Variants in KDM3B observed in about 807,000 individuals in gnomAD.
KDM3B encodes the protein lysine demethylase 3B.
A neutral mutation model predicts 170.0 loss-of-function variants in KDM3B; 10 were observed. That is an observed-to-expected ratio of 0.06 (90% CI 0.04 to 0.10). KDM3B has a LOEUF of 0.10. Ranked by LOEUF, KDM3B falls within the 10% of genes least tolerant of loss-of-function variation. The probability of loss-of-function intolerance (pLI) is 1.00; values close to 1 mark genes in which losing one functional copy is unlikely to be tolerated. For synonymous variants in KDM3B, 831 were observed against 834.8 expected (o/e 1.00, Z 0.08); for missense variants, 1,394 against 2,195.2 (o/e 0.64, Z 7.29).
intron 1 of KDM3B, among the ~76,000 whole-genome samples, chr5:138,353,994 G>A (rs1761393131): frequency 6.6e-6 from 1 of 152,140 alleles, no homozygotes. Context: ...CTTTTGGAAT[G>A]TAATAGATCA....
chr5:138,368,886 C>T (rs897207538), intron 1 of KDM3B, among the ~76,000 whole-genome samples: 8 of 151,954 alleles, frequency 5.3e-5, no homozygotes, highest in African/African-American at 1.9e-4. Flanking sequence ...TTTAGGTATG[C>T]GATAATAGTA....
chr5:138,353,263 C>T (rs1226407903), intron 1 of KDM3B, among the ~76,000 whole-genome samples: 1 of 152,254 alleles, frequency 6.6e-6, no homozygotes, highest in Non-Finnish European at 1.5e-5. Flanking sequence ...CGACCCTTTT[C>T]TCGGCGTTCC....
At chr5:138,416,931 G>T (rs571192367) in intron 12 of KDM3B, among the ~76,000 whole-genome samples, 1 of 152,000 alleles carries the variant, frequency 6.6e-6, no homozygotes, top group African/African-American at 2.4e-5. Flanking sequence ...AGCGATTCTC[G>T]TGCCTCAGCC....
At chr5:138,409,328 A>G (rs1762903229) in intron 11 of KDM3B, among the ~76,000 whole-genome samples, 1 of 152,242 alleles carries the variant, frequency 6.6e-6, no homozygotes, top group African/African-American at 2.4e-5. Context: ...TAATATTATA[A>G]TGAGTTTTTT....
chr5:138,403,830 CAAA>C (rs370451547), intron 11 of KDM3B, among the ~76,000 whole-genome samples: 2 of 125,036 alleles, frequency 1.6e-5, no homozygotes, highest in Non-Finnish European at 1.7e-5. Context: ...CCATCTCAAC[CAAA>C]AAAAAAAAAA....
intron 20 of KDM3B, 63 bp from the exon 21 acceptor site, chr5:138,429,763 T>A (rs2127006032): frequency 1.9e-6 from 3 of 1,552,706 alleles, no homozygotes; most frequent in South Asian, 1.1e-5. Flanking sequence ...ATTGGACATT[T>A]CATTTCACTC....
intron 3 of KDM3B, 53 bp downstream of exon 3, chr5:138,375,259 TC>T: frequency 8.8e-7 from 1 of 1,137,502 alleles, no homozygotes; most frequent in Non-Finnish European, 1.3e-6. Context: ...GCTGCTAATT[TC>T]TTTGTTGATA....
In KDM3B at chr5:138,386,542, T is replaced by C. The variant is rs201469450; in HGVS notation, c.1301T>C (p.Val434Ala). 310 of 1,614,038 alleles carry C rather than the reference T, an allele frequency of 1.9e-4. No homozygotes were observed. The highest frequency in any genetic ancestry group is 2.8e-4 in the Admixed American group (17 of 60,000). ...ACCGCCAGCTCCACCCCAAACACAG[T>C]GAGGATCTCAGACACTGGCCTTGCA... ...VTTASSTPNT[V>A]RISDTGLAAG... Residue 434 changes from valine (V) to alanine (A), a missense_variant, in exon 7 of 24, where the codon GTG (valine) becomes GCG (alanine). Physicochemically the swap from Val to Ala is moderately conservative, Grantham distance 64. Coordinates refer to ENST00000314358, the MANE Select transcript of KDM3B (RefSeq NM_016604.4).
intron 10 of KDM3B, among the ~76,000 whole-genome samples, chr5:138,399,321 C>T (rs1333156915): frequency 1.2e-4 from 18 of 151,610 alleles, no homozygotes; most frequent in African/African-American, 3.9e-4. Context: ...AGGCAGATCA[C>T]GAGGTCAGGA....
intron 2 of KDM3B, 129 bp downstream of exon 2, chr5:138,372,970 C>A (rs1457099889): frequency 4.0e-6 from 3 of 757,012 alleles, no homozygotes; most frequent in Non-Finnish European, 5.7e-6. Context: ...TCTGAAGTTA[C>A]TAATGCAAAA....
chr5:138,385,822 C>T (rs1261794626), intron 6 of KDM3B, among the ~76,000 whole-genome samples, 200 bp from the exon 7 acceptor site: 1 of 152,160 alleles, frequency 6.6e-6, no homozygotes, highest in Non-Finnish European at 1.5e-5. Context: ...CCTCTAGTAA[C>T]TATTATCTTG....
At chr5:138,419,668 A>ATATATAT (rs1554131122) in intron 14 of KDM3B, among the ~76,000 whole-genome samples, 2 of 109,228 alleles carry the variant, frequency 1.8e-5, no homozygotes, top group Admixed American at 1.1e-4. Context: ...AAAAAAAAAA[A>ATATATAT]ATATATATAT....
intron 11 of KDM3B, among the ~76,000 whole-genome samples, chr5:138,404,829 T>TTC (rs1762776016): frequency 6.6e-6 from 1 of 152,008 alleles, no homozygotes; most frequent in African/African-American, 2.4e-5. Context: ...GTTCAAGCTA[T>TTC]TCTCCTGCCT....
chr5:138,366,435 G>T (rs1761747084), intron 1 of KDM3B, among the ~76,000 whole-genome samples: 1 of 151,908 alleles, frequency 6.6e-6, no homozygotes, highest in South Asian at 2.1e-4. Flanking sequence ...GGCTCAAGCA[G>T]TCCTCCTACC....
chr5:138,432,993 C>T (rs1229212946), intron 23 of KDM3B, among the ~76,000 whole-genome samples: 3 of 152,162 alleles, frequency 2.0e-5, no homozygotes, highest in Non-Finnish European at 2.9e-5. Flanking sequence ...ATCCGCCTGC[C>T]TCGACCTCCC....
intron 12 of KDM3B, among the ~76,000 whole-genome samples, chr5:138,416,803 C>G (rs1288294931): frequency 6.6e-6 from 1 of 151,934 alleles, no homozygotes; most frequent in Non-Finnish European, 1.5e-5. Context: ...GTATAACTTA[C>G]AGTAAAGTAT....
At chr5:138,435,494 G>T in intron 23 of KDM3B, 126 bp from the exon 24 acceptor site, 1 of 675,400 alleles carries the variant, frequency 1.5e-6, no homozygotes, top group South Asian at 1.8e-5. Flanking sequence ...TGACTGTGGG[G>T]ATTGATACAG....
At chr5:138,431,137 G>A (rs541550910) in intron 22 of KDM3B, among the ~76,000 whole-genome samples, 5 of 151,236 alleles carry the variant, frequency 3.3e-5, no homozygotes, top group East Asian at 1.9e-4. Flanking sequence ...TGGTAGAGAC[G>A]GGGTTTCGCC....
intron 6 of KDM3B, among the ~76,000 whole-genome samples, chr5:138,383,555 A>G (rs1762177775): frequency 6.6e-6 from 1 of 152,226 alleles, no homozygotes; most frequent in Non-Finnish European, 1.5e-5. Flanking sequence ...CAAGTTTTAT[A>G]GTAACCCTTT....
Sources: allele counts gnomAD v4.1 joint callset (sites outside exome capture counted in the v4.1 genomes callset), GRCh38; gene constraint gnomAD v4.1.1; transcripts MANE v1.5; gene names NCBI Gene and HGNC (gene_info 2026-07-23, HGNC 2026-07-21).